Variants in PPARGC1A observed in about 807,000 individuals in gnomAD.
PPARGC1A encodes the protein PPARG coactivator 1 alpha.
Under a neutral mutation model 88.7 loss-of-function variants are expected in PPARGC1A, and 25 were observed. That is an observed-to-expected ratio of 0.28 (90% CI 0.21 to 0.39). The LOEUF (loss-of-function observed/expected upper bound fraction) is 0.39. Ranked by LOEUF, PPARGC1A falls within the 10% of genes least tolerant of loss-of-function variation. The pLI, the probability that PPARGC1A is intolerant of heterozygous loss-of-function variation, is 1.00. For missense variants in PPARGC1A, 880 were observed against 968.7 expected (o/e 0.91, Z 1.22); for synonymous variants, 363 against 355.6 (o/e 1.02, Z -0.24).
At chr4:24,067,186 A>G in the PPARGC1A span, among the ~76,000 whole-genome samples, 2 of 152,152 alleles carry the variant, frequency 1.3e-5, no homozygotes, top group Non-Finnish European at 2.9e-5. Context: ...CTTCTTGGCC[A>G]TTAATCTCAC....
chr4:23,818,061 C>A (rs1356872629), intron 7 of PPARGC1A, among the ~76,000 whole-genome samples: 1 of 152,180 alleles, frequency 6.6e-6, no homozygotes, highest in Admixed American at 6.5e-5. Flanking sequence ...GATGCCACTA[C>A]CTTTGCTCAT....
At chr4:24,238,780 T>C in the PPARGC1A span, among the ~76,000 whole-genome samples, 1 of 151,352 alleles carries the variant, frequency 6.6e-6, no homozygotes, top group African/African-American at 2.4e-5. Context: ...TGTGTGTGTG[T>C]GTGTGTGTGT....
chr4:24,459,105 T>G, the PPARGC1A span, among the ~76,000 whole-genome samples: 4 of 152,216 alleles, frequency 2.6e-5, no homozygotes, highest in Non-Finnish European at 5.9e-5. Flanking sequence ...CTGGGTATAT[T>G]ACTTGCAAAA....
At chr4:24,240,619 T>A in the PPARGC1A span, among the ~76,000 whole-genome samples, 1 of 152,110 alleles carries the variant, frequency 6.6e-6, no homozygotes, top group Non-Finnish European at 1.5e-5. Flanking sequence ...CAGGAGGCAA[T>A]TTCACAAGCA....
At chr4:24,194,129 C>A in the PPARGC1A span, among the ~76,000 whole-genome samples, 599 of 128,534 alleles carry the variant, frequency 4.7e-3, no homozygotes, top group Non-Finnish European at 5.5e-3. Flanking sequence ...AACTCCATCT[C>A]AAAAAAAAAA....
the PPARGC1A span, among the ~76,000 whole-genome samples, chr4:23,913,252 A>ATATATATATATTATATATTT: frequency 4.7e-5 from 2 of 42,188 alleles, no homozygotes; most frequent in Admixed American, 3.0e-4. Flanking sequence ...TTATATATAT[A>ATATATATATATTATATATTT]TATATATATA....
upstream of PPARGC1A, among the ~76,000 whole-genome samples, chr4:23,891,281 G>T (rs1717814638): frequency 6.6e-6 from 1 of 152,138 alleles, no homozygotes; most frequent in South Asian, 2.1e-4. Context: ...ATGTATCTGT[G>T]TGAATAAACA....
chr4:23,847,092 T>C (rs938229202), intron 2 of PPARGC1A, among the ~76,000 whole-genome samples: 6 of 151,944 alleles, frequency 3.9e-5, no homozygotes, highest in Non-Finnish European at 7.4e-5. Flanking sequence ...TCTTTGGAGG[T>C]GGGAGTTAGT....
chr4:23,842,403 G>GT (rs1727210718), intron 2 of PPARGC1A, among the ~76,000 whole-genome samples: 1 of 152,042 alleles, frequency 6.6e-6, no homozygotes, highest in Admixed American at 6.6e-5. Context: ...TCCATGGGAT[G>GT]TTTTTCAACA....
At chr4:23,926,385 T>C in the PPARGC1A span, among the ~76,000 whole-genome samples, 1 of 152,164 alleles carries the variant, frequency 6.6e-6, no homozygotes, top group Non-Finnish European at 1.5e-5. Flanking sequence ...CTCATCCCCT[T>C]CAATCTTAAT....
intron 2 of PPARGC1A, among the ~76,000 whole-genome samples, chr4:23,838,457 T>G (rs1182819945): frequency 6.6e-6 from 1 of 152,176 alleles, no homozygotes; most frequent in Non-Finnish European, 1.5e-5. Context: ...GAATAAGGTA[T>G]GGGCACTGGA....
the PPARGC1A span, among the ~76,000 whole-genome samples, chr4:24,301,749 T>G: frequency 6.6e-6 from 1 of 152,184 alleles, no homozygotes; most frequent in African/African-American, 2.4e-5. Context: ...TAGAATGTCC[T>G]GTTTCCATAC....
intron 2 of PPARGC1A, among the ~76,000 whole-genome samples, chr4:23,836,428 C>T (rs144763069): frequency 3.9e-5 from 6 of 152,226 alleles, no homozygotes; most frequent in African/African-American, 9.6e-5. Flanking sequence ...TCTCTAAGGG[C>T]GCTCTAGGAA....
chr4:24,220,302 G>A, the PPARGC1A span, among the ~76,000 whole-genome samples: 6 of 152,216 alleles, frequency 3.9e-5, no homozygotes, highest in Non-Finnish European at 5.9e-5. Context: ...AGACACTGTA[G>A]AAAGCAGTTT....
the PPARGC1A span, among the ~76,000 whole-genome samples, chr4:23,964,143 G>T: frequency 6.6e-6 from 1 of 152,164 alleles, no homozygotes; most frequent in Non-Finnish European, 1.5e-5. Context: ...TGCCTAAGCT[G>T]GGAACTGTTC....
At chr4:24,149,653 CA>C in the PPARGC1A span, among the ~76,000 whole-genome samples, 1 of 152,082 alleles carries the variant, frequency 6.6e-6, no homozygotes, top group Non-Finnish European at 1.5e-5. Flanking sequence ...TCTAATGGTC[CA>C]ATAGATGCAG....
At chr4:24,231,710 C>T in the PPARGC1A span, among the ~76,000 whole-genome samples, 70 of 152,218 alleles carry the variant, frequency 4.6e-4, 1 homozygote, top group African/African-American at 1.6e-3. Context: ...GTGCCGTTAA[C>T]CATTAGTTGG....
At chr4:24,024,530 C>G in the PPARGC1A span, among the ~76,000 whole-genome samples, 55 of 152,246 alleles carry the variant, frequency 3.6e-4, no homozygotes, top group African/African-American at 1.3e-3. Flanking sequence ...TTCTCAACAG[C>G]CTTGTCATAT....
At chr4:24,399,673 G>T in the PPARGC1A span, among the ~76,000 whole-genome samples, 2 of 151,994 alleles carry the variant, frequency 1.3e-5, no homozygotes, top group Non-Finnish European at 2.9e-5. Flanking sequence ...AACAAAATAC[G>T]AACACTCATT....
Sources: allele counts gnomAD v4.1 joint callset (sites outside exome capture counted in the v4.1 genomes callset), GRCh38; gene constraint gnomAD v4.1.1; transcripts MANE v1.5; gene names NCBI Gene and HGNC (gene_info 2026-07-23, HGNC 2026-07-21).